Variants in AOPEP observed in about 807,000 individuals in gnomAD.
The protein encoded by AOPEP is aminopeptidase O (putative).
Under a neutral mutation model 98.1 loss-of-function variants are expected in AOPEP, and 77 were observed. The observed-to-expected ratio is 0.78, with a 90% confidence interval of 0.65 to 0.95. AOPEP has a LOEUF of 0.95. Ranked by LOEUF, AOPEP falls within the 40% of genes least tolerant of loss-of-function variation. The probability of loss-of-function intolerance (pLI) is 0.00; values close to 1 mark genes in which losing one functional copy is unlikely to be tolerated. For missense variants in AOPEP, 1,024 were observed against 1,024.7 expected (o/e 1.00, Z 0.01); for synonymous variants, 346 against 365.3 (o/e 0.95, Z 0.60).
intron 5 of AOPEP, among the ~76,000 whole-genome samples, chr9:94,898,588 C>A (rs776233417): frequency 6.7e-6 from 1 of 148,414 alleles, no homozygotes; most frequent in Non-Finnish European, 1.5e-5. Flanking sequence ...AGCCAGATCG[C>A]GCCATTGCAC....
intron 1 of AOPEP, among the ~76,000 whole-genome samples, chr9:94,758,086 G>C (rs921319557): frequency 6.6e-6 from 1 of 152,158 alleles, no homozygotes; most frequent in Non-Finnish European, 1.5e-5. Flanking sequence ...TAGTTCAGTG[G>C]GGGAGGGAGC....
the AOPEP span, chr9:95,109,805 C>T: frequency 6.6e-6 from 1 of 152,232 alleles, no homozygotes; most frequent in African/African-American, 2.4e-5. Context: ...TCAATTCAAT[C>T]ACATACGAAT....
chr9:94,900,088 A>G (rs546598569), intron 5 of AOPEP, among the ~76,000 whole-genome samples: 26 of 152,320 alleles, frequency 1.7e-4, no homozygotes, highest in African/African-American at 5.8e-4. Flanking sequence ...AACCACAGTT[A>G]TAATATGAAG....
chr9:94,990,418 G>C (rs190385477), intron 11 of AOPEP, among the ~76,000 whole-genome samples: 1 of 152,224 alleles, frequency 6.6e-6, no homozygotes, highest in East Asian at 1.9e-4. Flanking sequence ...TTATTTTGTA[G>C]AGAAACCTTT....
intron 5 of AOPEP, among the ~76,000 whole-genome samples, chr9:94,874,763 C>G (rs985913223): frequency 6.6e-6 from 1 of 152,234 alleles, no homozygotes; most frequent in South Asian, 2.1e-4. Context: ...ACTCAAAAAC[C>G]AGAGACGGAA....
chr9:95,009,269 A>G (rs907701641), intron 13 of AOPEP, among the ~76,000 whole-genome samples: 2 of 140,672 alleles, frequency 1.4e-5, no homozygotes, highest in Non-Finnish European at 3.0e-5. Context: ...ATCACAGATT[A>G]AGGAATGTTT....
intron 1 of AOPEP, among the ~76,000 whole-genome samples, chr9:94,728,752 C>T (rs150058687): frequency 6.8e-4 from 104 of 152,294 alleles, no homozygotes; most frequent in African/African-American, 2.3e-3. Flanking sequence ...GCAGAGGCCA[C>T]CTTCAGGCTA....
intron 5 of AOPEP, among the ~76,000 whole-genome samples, chr9:94,912,830 G>A (rs2052270615): frequency 6.6e-6 from 1 of 152,244 alleles, no homozygotes; most frequent in South Asian, 2.1e-4. Context: ...GGAAAGAAGT[G>A]CACACAGGAA....
chr9:94,784,125 T>G (rs1843882762), intron 3 of AOPEP, among the ~76,000 whole-genome samples: 1 of 152,190 alleles, frequency 6.6e-6, no homozygotes, highest in South Asian at 2.1e-4. Context: ...TATGAGAAGT[T>G]CCATGAGATG....
chr9:94,776,313 G>GT (rs1263875471), intron 3 of AOPEP, among the ~76,000 whole-genome samples: 1 of 151,878 alleles, frequency 6.6e-6, no homozygotes, highest in Non-Finnish European at 1.5e-5. Flanking sequence ...ATTATTATTT[G>GT]TTTTTTGGAG....
chr9:94,849,367 C>G (rs1217801226), intron 5 of AOPEP, among the ~76,000 whole-genome samples: 1 of 152,154 alleles, frequency 6.6e-6, no homozygotes, highest in Non-Finnish European at 1.5e-5. Context: ...ATAGTGAAGG[C>G]TCAATAAATA....
intron 9 of AOPEP, among the ~76,000 whole-genome samples, chr9:94,965,942 C>T (rs13296368): frequency 6.9e-6 from 1 of 145,298 alleles, no homozygotes; most frequent in African/African-American, 2.5e-5. Flanking sequence ...CATCAGAGTC[C>T]TGTGTAGAGT....
intron 7 of AOPEP, among the ~76,000 whole-genome samples, chr9:94,946,422 G>A (rs944420855): frequency 9.2e-5 from 14 of 152,128 alleles, no homozygotes; most frequent in African/African-American, 3.4e-4. Context: ...GCAGTTCCAG[G>A]ATCCAGGTCT....
chr9:95,108,662 T>G, the AOPEP span, among the ~76,000 whole-genome samples: 1 of 152,194 alleles, frequency 6.6e-6, no homozygotes, highest in Non-Finnish European at 1.5e-5. Flanking sequence ...TCCTGCATTA[T>G]AAAGACATAT....
At chr9:94,871,734 T>TATTACA (rs766518639) in intron 5 of AOPEP, among the ~76,000 whole-genome samples, 17 of 152,168 alleles carry the variant, frequency 1.1e-4, no homozygotes, top group Non-Finnish European at 2.2e-4. Flanking sequence ...GGGCTGGGCA[T>TATTACA]GGTGGTTCAC....
At chr9:94,968,092 A>G (rs887466436) in intron 10 of AOPEP, among the ~76,000 whole-genome samples, 9 of 152,192 alleles carry the variant, frequency 5.9e-5, no homozygotes, top group African/African-American at 1.7e-4. Context: ...TGCGGAAAGA[A>G]TGGAAGAGAG....
intron 14 of AOPEP, among the ~76,000 whole-genome samples, chr9:95,076,803 AG>A (rs1442337809): frequency 8.5e-5 from 13 of 152,222 alleles, no homozygotes. Flanking sequence ...GATTCTAAAA[AG>A]CTGAGAAATA....
chr9:94,868,955 A>G (rs574879300), intron 5 of AOPEP, among the ~76,000 whole-genome samples: 62 of 152,272 alleles, frequency 4.1e-4, no homozygotes, highest in African/African-American at 1.4e-3. Context: ...TTGGCCAGGC[A>G]TGGGGGCTCT....
chr9:94,747,045 T>G (rs1191042915), intron 1 of AOPEP, among the ~76,000 whole-genome samples: 2 of 151,850 alleles, frequency 1.3e-5, no homozygotes, highest in Non-Finnish European at 1.5e-5. Flanking sequence ...CAGTGGGTTT[T>G]TTTTTTTTTT....
Sources: allele counts gnomAD v4.1 joint callset (sites outside exome capture counted in the v4.1 genomes callset), GRCh38; gene constraint gnomAD v4.1.1; transcripts MANE v1.5; gene names NCBI Gene and HGNC (gene_info 2026-07-23, HGNC 2026-07-21).